The following ANKRD44 variants were observed in gnomAD, a reference collection of about 807,000 sequenced individuals.
ANKRD44 encodes serine/threonine-protein phosphatase 6 regulatory ankyrin repeat subunit B.
ANKRD44 carries 35 observed loss-of-function variants against 116.0 expected under a neutral mutation model. The ratio of observed to expected loss-of-function variants is 0.30; its 90% CI spans 0.23 to 0.40. ANKRD44 has a LOEUF of 0.40. ANKRD44 is among the 10% of genes least tolerant of loss of function. The pLI, the probability that ANKRD44 is intolerant of heterozygous loss-of-function variation, is 1.00. For missense variants in ANKRD44, 1,014 were observed against 1,242.6 expected, an observed-to-expected ratio of 0.82 and a Z score of 2.77; for synonymous variants, 435 against 461.8, an observed-to-expected ratio of 0.94 and a Z score of 0.74.
intron 1 of ANKRD44, among the ~76,000 whole-genome samples, chr2:197,208,759 C>A (rs1436381184): frequency 2.0e-5 from 3 of 151,974 alleles, no homozygotes; most frequent in Non-Finnish European, 2.9e-5. Context: ...GAGATTGTAC[C>A]ACTGCACTGC....
At chr2:197,118,637 G>GAAAGGA (rs1553512574) in intron 8 of ANKRD44, among the ~76,000 whole-genome samples, 1 of 112,358 alleles carries the variant, frequency 8.9e-6, no homozygotes, top group Non-Finnish European at 1.9e-5. Context: ...GAGAGAGAGA[G>GAAAGGA]AGAAAGAAAG....
At chr2:197,193,750 C>A (rs1320616394) in intron 1 of ANKRD44, among the ~76,000 whole-genome samples, 1 of 151,994 alleles carries the variant, frequency 6.6e-6, no homozygotes, top group African/African-American at 2.4e-5. Context: ...GGCCTGGTGG[C>A]GGTCGCCCGT....
chr2:197,213,636 G>A (rs956475194), intron 1 of ANKRD44, among the ~76,000 whole-genome samples: 1 of 152,150 alleles, frequency 6.6e-6, no homozygotes, highest in South Asian at 2.1e-4. Flanking sequence ...CTCATACGCT[G>A]AGCCTAAGCA....
chr2:197,262,850 A>G (rs1202729520), intron 1 of ANKRD44, among the ~76,000 whole-genome samples: 1 of 151,706 alleles, frequency 6.6e-6, no homozygotes, highest in Non-Finnish European at 1.5e-5. Context: ...GGTTGCAGTA[A>G]GCCGAGATCA....
chr2:197,243,394 AT>A (rs1384266751), intron 1 of ANKRD44, among the ~76,000 whole-genome samples: 4 of 152,108 alleles, frequency 2.6e-5, no homozygotes, highest in African/African-American at 9.7e-5. Flanking sequence ...AAAAAAAAAA[AT>A]GTCTTAAAGA....
intron 16 of ANKRD44, among the ~76,000 whole-genome samples, chr2:197,068,553 C>A (rs2077491634): frequency 6.6e-6 from 1 of 151,944 alleles, no homozygotes; most frequent in Non-Finnish European, 1.5e-5. Context: ...AAAAATTTTG[C>A]AATCTATTCA....
At chr2:197,112,388 T>C (rs1330260392) in intron 8 of ANKRD44, among the ~76,000 whole-genome samples, 1 of 151,618 alleles carries the variant, frequency 6.6e-6, no homozygotes, top group Non-Finnish European at 1.5e-5. Context: ...ACTGCCCACG[T>C]CTGAATCACC....
intron 16 of ANKRD44, among the ~76,000 whole-genome samples, chr2:197,046,405 G>A (rs1293931423): frequency 1.3e-5 from 2 of 152,036 alleles, no homozygotes; most frequent in Non-Finnish European, 2.9e-5. Flanking sequence ...GGTAGCTTTA[G>A]GTGTGGTGCA....
intron 1 of ANKRD44, among the ~76,000 whole-genome samples, chr2:197,226,274 T>C (rs1195538239): frequency 6.6e-6 from 1 of 152,372 alleles, no homozygotes; most frequent in South Asian, 2.1e-4. Flanking sequence ...GCTTTGGGAA[T>C]ACTGATGCCA....
chr2:197,011,429 T>C (rs2076298482), intron 18 of ANKRD44, among the ~76,000 whole-genome samples: 1 of 152,030 alleles, frequency 6.6e-6, no homozygotes, highest in Non-Finnish European at 1.5e-5. Context: ...TTTTGTTTTG[T>C]TTTTTGGTAC....
downstream of ANKRD44, among the ~76,000 whole-genome samples, chr2:196,985,573 A>G (rs2075831149): frequency 6.6e-6 from 1 of 152,246 alleles, no homozygotes; most frequent in Non-Finnish European, 1.5e-5. Flanking sequence ...CATCGAAGAG[A>G]GAACATCTAG....
chr2:197,155,657 C>T (rs537684227), intron 2 of ANKRD44, among the ~76,000 whole-genome samples: 93 of 152,184 alleles, frequency 6.1e-4, no homozygotes, highest in African/African-American at 2.0e-3. Context: ...GAACCCTAAA[C>T]AAAAATTAAA....
intron 6 of ANKRD44, 56 bp downstream of exon 6, chr2:197,125,325 A>G: frequency 2.0e-6 from 3 of 1,472,896 alleles, no homozygotes; most frequent in Non-Finnish European, 2.9e-6. Context: ...TGAGAGACCC[A>G]TGGCTTATTT....
At chr2:197,095,123 G>C (rs2078131871) in intron 10 of ANKRD44, among the ~76,000 whole-genome samples, 1 of 152,212 alleles carries the variant, frequency 6.6e-6, no homozygotes, top group Admixed American at 6.5e-5. Context: ...GGGATCTCAA[G>C]AGTTCTCTGT....
chr2:196,979,962 T>C (rs1182161869), intron 21 of ANKRD44, among the ~76,000 whole-genome samples: 1 of 152,140 alleles, frequency 6.6e-6, no homozygotes. Context: ...TCCAGGACAC[T>C]CTCAGATCAC....
intron 1 of ANKRD44, among the ~76,000 whole-genome samples, chr2:197,255,038 G>T (rs187617483): frequency 1.3e-5 from 2 of 152,222 alleles, no homozygotes; most frequent in African/African-American, 4.8e-5. Flanking sequence ...TCAGCTCAGG[G>T]CAGCCAAGGA....
intron 16 of ANKRD44, among the ~76,000 whole-genome samples, chr2:197,062,386 C>A (rs190347134): frequency 6.6e-6 from 1 of 152,170 alleles, no homozygotes; most frequent in Non-Finnish European, 1.5e-5. Flanking sequence ...AGAGCTTAAG[C>A]GCATTGATTT....
chr2:197,147,926 T>C (rs944287877), intron 2 of ANKRD44: 2 of 454,774 alleles, frequency 4.4e-6, no homozygotes, highest in Non-Finnish European at 8.8e-6. Context: ...AATTTTAAAA[T>C]TTCCTCAAGA....
At chr2:197,306,914 T>A (rs935659466) in intron 1 of ANKRD44, among the ~76,000 whole-genome samples, 1 of 151,768 alleles carries the variant, frequency 6.6e-6, no homozygotes, top group Non-Finnish European at 1.5e-5. Context: ...GCCTCCGAGA[T>A]GAAAGTAGTG....
Sources: gnomAD v4.1 joint callset for allele counts (sites outside exome capture counted in the v4.1 genomes callset) on GRCh38, gnomAD v4.1.1 for gene constraint, MANE v1.5 for transcripts, NCBI Gene and HGNC (gene_info 2026-07-23, HGNC 2026-07-21) for gene names.